The following CADM2 variants were observed in gnomAD, a reference collection of about 807,000 sequenced individuals.
CADM2 encodes the protein immunoglobulin superfamily member 4D.
Under a neutral mutation model 49.8 loss-of-function variants are expected in CADM2, and 12 were observed. The ratio of observed to expected loss-of-function variants is 0.24; its 90% CI spans 0.15 to 0.39. CADM2 has a LOEUF of 0.39. Ranked by LOEUF, CADM2 falls within the 10% of genes least tolerant of loss-of-function variation. The pLI is 1.00. For synonymous variants in CADM2, 214 were observed against 175.4 expected (o/e 1.22, Z -1.74); for missense variants, 378 against 492.3 (o/e 0.77, Z 2.20).
chr3:85,800,053 G>T (rs181289735), intron 2 of CADM2: 1 of 152,392 alleles, frequency 6.6e-6, no homozygotes, highest in Non-Finnish European at 1.5e-5. Context: ...CCTGACTACG[G>T]CTGCTGCCTT....
At chr3:86,042,755 A>C (rs1480816391) in intron 8 of CADM2, among the ~76,000 whole-genome samples, 1 of 152,190 alleles carries the variant, frequency 6.6e-6, no homozygotes, top group African/African-American at 2.4e-5. Flanking sequence ...CTGATACCAA[A>C]GCCTGGCAAA....
intron 1 of CADM2, among the ~76,000 whole-genome samples, chr3:85,658,744 G>C (rs937286591): frequency 6.6e-6 from 1 of 150,772 alleles, no homozygotes; most frequent in Admixed American, 6.6e-5. Context: ...CAGCACAGAA[G>C]TTTCTGACAA....
At chr3:86,036,703 T>C (rs766135504) in intron 8 of CADM2, among the ~76,000 whole-genome samples, 6 of 152,098 alleles carry the variant, frequency 3.9e-5, no homozygotes, top group Non-Finnish European at 7.4e-5. Context: ...AGTGCCTCTG[T>C]CTCCTCAACT....
At chr3:86,006,983 T>A (rs1730874186) in intron 8 of CADM2, among the ~76,000 whole-genome samples, 1 of 152,022 alleles carries the variant, frequency 6.6e-6, no homozygotes, top group South Asian at 2.1e-4. Flanking sequence ...GAAGTTGCAG[T>A]GGGCCGAGAT....
At chr3:85,694,908 A>G (rs1428122658) in intron 1 of CADM2, among the ~76,000 whole-genome samples, 1 of 152,140 alleles carries the variant, frequency 6.6e-6, no homozygotes, top group African/African-American at 2.4e-5. Flanking sequence ...CAGCCTTGGC[A>G]ACACAGTGAG....
rs1389434042 is a variant in CADM2, at chr3:85,867,405, A to T, written c.239-15886A>T. On this transcript the variant is annotated intron_variant, in intron 3 of 9. Transcript: ENST00000383699. ...TCCTAATCCTCATAAATAAATATAT[A>T]AAGAATATATTGATTGTATATTATT... Among the ~76,000 whole-genome samples, 3 of 152,160 alleles carry T rather than the reference A, an allele frequency of 2.0e-5. No individual in the cohort carries two copies. The East Asian group carries it at 5.8e-4, about 29-fold the overall frequency.
At chr3:85,492,445 C>T (rs1411007145) in intron 1 of CADM2, among the ~76,000 whole-genome samples, 3 of 151,948 alleles carry the variant, frequency 2.0e-5, no homozygotes, top group South Asian at 2.1e-4. Flanking sequence ...CACAAAAATT[C>T]GCCCGGCATG....
chr3:85,942,603 C>T (rs1322841746), intron 7 of CADM2, among the ~76,000 whole-genome samples: 10 of 150,802 alleles, frequency 6.6e-5, no homozygotes, highest in East Asian at 2.0e-4. Context: ...TTTGTTCTTG[C>T]GATAGTTTAC....
intron 8 of CADM2, chr3:85,979,284 G>T: frequency 6.2e-7 from 1 of 1,609,454 alleles, no homozygotes. Context: ...AGCATCAGAG[G>T]TACAGTATGT....
chr3:85,227,732 G>A (rs1021080053), intron 1 of CADM2, among the ~76,000 whole-genome samples: 3 of 152,024 alleles, frequency 2.0e-5, no homozygotes, highest in Admixed American at 6.6e-5. Context: ...TCATAGTGTC[G>A]ATGGTCTTTA....
At chr3:85,776,533 TC>T (rs1389465300) in intron 2 of CADM2, among the ~76,000 whole-genome samples, 3 of 152,038 alleles carry the variant, frequency 2.0e-5, no homozygotes, top group African/African-American at 7.2e-5. Flanking sequence ...GAATAGAACA[TC>T]ATTTAATGTA....
At chr3:84,966,780 A>G (rs2031028341) in intron 1 of CADM2, among the ~76,000 whole-genome samples, 1 of 152,210 alleles carries the variant, frequency 6.6e-6, no homozygotes, top group Admixed American at 6.5e-5. Flanking sequence ...TGAGTCAGCA[A>G]ATCATTTTCA....
At chr3:85,655,943 A>C (rs1236116516) in intron 1 of CADM2, among the ~76,000 whole-genome samples, 1 of 151,080 alleles carries the variant, frequency 6.6e-6, no homozygotes, top group Non-Finnish European at 1.5e-5. Context: ...ATAGAGCAGA[A>C]GCCTCCTGAA....
chr3:85,394,849 T>G (rs1243773610), intron 1 of CADM2, among the ~76,000 whole-genome samples: 1 of 152,148 alleles, frequency 6.6e-6, no homozygotes, highest in Non-Finnish European at 1.5e-5. Context: ...AGATGCTTAG[T>G]GCATCCAAAA....
intron 1 of CADM2, among the ~76,000 whole-genome samples, chr3:85,592,836 T>C (rs2063144490): frequency 6.6e-6 from 1 of 151,916 alleles, no homozygotes; most frequent in Non-Finnish European, 1.5e-5. Context: ...ATATTTCTCC[T>C]AATGCTATCC....
chr3:85,876,836 AACTT>A (rs1182221384), intron 3 of CADM2, among the ~76,000 whole-genome samples: 2 of 152,278 alleles, frequency 1.3e-5, no homozygotes, highest in East Asian at 3.9e-4. Flanking sequence ...ACTAATATAC[AACTT>A]ACTTAATATG....
chr3:84,960,855 AGGCAGGGGCGGCGTGCTAGGGCTAGGTG>A (rs1438367439), intron 1 of CADM2, among the ~76,000 whole-genome samples: 1 of 152,102 alleles, frequency 6.6e-6, no homozygotes, highest in East Asian at 1.9e-4. Context: ...GTGGTGGAGG[AGGCAGGGGCGGCGTGCTAGGGCTAGGTG>A]GGCAGGGGCT....
At chr3:85,755,403 C>T (rs898635657) in intron 2 of CADM2, among the ~76,000 whole-genome samples, 8 of 152,076 alleles carry the variant, frequency 5.3e-5, no homozygotes, top group African/African-American at 1.9e-4. Flanking sequence ...GAGCTTCCTG[C>T]CCTCTCCAGA....
intron 3 of CADM2, among the ~76,000 whole-genome samples, chr3:85,832,242 A>G (rs72908571): frequency 0.043 from 6,564 of 152,036 alleles, 443 homozygotes; most frequent in African/African-American, 0.15. Flanking sequence ...GTTTGCAGTC[A>G]GGTGATGTGA....
Sources: gnomAD v4.1 joint callset for allele counts (sites outside exome capture counted in the v4.1 genomes callset) on GRCh38, gnomAD v4.1.1 for gene constraint, MANE v1.5 for transcripts, NCBI Gene and HGNC (gene_info 2026-07-23, HGNC 2026-07-21) for gene names.